The following ADIPOR1 variants were observed in gnomAD, a reference collection of about 807,000 sequenced individuals.
ADIPOR1 encodes the protein adiponectin receptor 1, also known as adiponectin receptor protein 1.
ADIPOR1 carries 15 observed loss-of-function variants against 37.5 expected under a neutral mutation model. That is an observed-to-expected ratio of 0.40 (90% CI 0.27 to 0.62). The LOEUF (loss-of-function observed/expected upper bound fraction) is 0.62. Among genes scored for constraint, ADIPOR1 ranks in the 20% least tolerant of loss-of-function variants. ADIPOR1 has a pLI of 0.42. For missense variants in ADIPOR1, 286 were observed against 478.0 expected (o/e 0.60, Z 3.75); for synonymous variants, 173 against 173.2 (o/e 1.00, Z 0.01).
At chr1:202,946,263 T>C (rs1247352388) in intron 4 of ADIPOR1, among the ~76,000 whole-genome samples, 176 bp downstream of exon 4, 1 of 152,152 alleles carries the variant, frequency 6.6e-6, no homozygotes, top group Non-Finnish European at 1.5e-5. Flanking sequence ...GGCCTTTTAC[T>C]CTCAGTCTTA....
chr1:202,950,807 A>G (rs1654545578), intron 2 of ADIPOR1, 123 bp downstream of exon 2: 2 of 1,344,522 alleles, frequency 1.5e-6, no homozygotes, highest in Non-Finnish European at 2.1e-6. Flanking sequence ...AGGGACTTGG[A>G]TAGAGACATT....
chr1:202,949,365 G>A (rs983794822), intron 2 of ADIPOR1, among the ~76,000 whole-genome samples: 7 of 151,408 alleles, frequency 4.6e-5, no homozygotes, highest in African/African-American at 1.5e-4. Context: ...CGGATCACGA[G>A]GTCAGGAGAT....
At chr1:202,947,648 C>CT (rs1654389649) in intron 3 of ADIPOR1, among the ~76,000 whole-genome samples, 1 of 152,132 alleles carries the variant, frequency 6.6e-6, no homozygotes, top group Admixed American at 6.5e-5. Flanking sequence ...CTTTGCCCCT[C>CT]TCCAGGAGAT....
chr1:202,942,233 C>T lies in ADIPOR1; in HGVS notation c.806-15G>A. The stretch of plus-strand genomic sequence containing the variant: ...CAGGAACACGCCTGAACAGAACAGA[C>T]ATAAGACTGTCAAACAAGGAAACAG... On this transcript the variant is annotated splice_polypyrimidine_tract_variant and intron_variant, in intron 6 of 7. Transcript: ENST00000340990. 3.2e-6 allele frequency: 5 copies of T among 1,581,630 alleles called. No homozygotes were observed. Among genetic ancestry groups the T allele is most frequent in the Non-Finnish European group, 4.3e-6 (5 of 1,161,212 alleles).
intron 1 of ADIPOR1, among the ~76,000 whole-genome samples, chr1:202,952,810 T>C (rs1654632039): frequency 6.6e-6 from 1 of 152,200 alleles, no homozygotes; most frequent in Non-Finnish European, 1.5e-5. Flanking sequence ...TATGTATGTA[T>C]CCTATTGGTG....
At position 202,941,019 on chromosome 1, in the gene ADIPOR1, G is replaced by A. The variant is rs1403657425; in HGVS notation, c.*554C>T. ...TTAAAACTCAAGTTACTTGAAGCCT[G>A]GACACACTTCCATGATTAGCCGGGC... On this transcript the variant is annotated 3_prime_UTR_variant, in exon 8 of 8. Transcript: ENST00000340990. 6.6e-6 allele frequency: 1 copy of A among 152,508 alleles called. No homozygotes were observed. Among genetic ancestry groups the A allele is most frequent in the African/African-American group, 2.4e-5 (1 of 41,410 alleles). The allele number at this position is 152,508 out of a possible 1,614,324, so 9.4% of individuals were successfully genotyped here. A position where few individuals can be genotyped will look rare whatever the true frequency, so the allele number is the denominator to read the frequency against.
chr1:202,943,953 G>T lies in ADIPOR1; in HGVS notation c.618-8C>A. 1 of 1,604,062 alleles carries T rather than the reference G, an allele frequency of 6.2e-7. No homozygotes were observed. The highest frequency in any genetic ancestry group is 1.1e-5 in the South Asian group (1 of 90,384). ...ATCCCTGAATAGTCCAGTCTAAAAA[G>T]AACCACAAAAATGAAACAAATCAGT... is the stretch of plus-strand genomic sequence containing the variant. On this transcript the variant is annotated splice_polypyrimidine_tract_variant and splice_region_variant and intron_variant, in intron 5 of 7. Coordinates refer to ENST00000340990, the MANE Select transcript of ADIPOR1 (RefSeq NM_015999.6).
intron 2 of ADIPOR1, among the ~76,000 whole-genome samples, chr1:202,949,208 T>C (rs1213988395): frequency 6.6e-6 from 1 of 152,016 alleles, no homozygotes; most frequent in Non-Finnish European, 1.5e-5. Flanking sequence ...ACTTTGTATC[T>C]ACAGCAGCTC....
chr1:202,951,262 C>G (rs1654571795), intron 1 of ADIPOR1, 98 bp from the exon 2 acceptor site: 7 of 611,098 alleles, frequency 1.1e-5, no homozygotes, highest in Non-Finnish European at 1.9e-5. Context: ...CAACTCATAT[C>G]CTGTCCCCAA....
intron 2 of ADIPOR1, among the ~76,000 whole-genome samples, chr1:202,948,877 C>T (rs186777999): frequency 2.6e-5 from 4 of 151,944 alleles, no homozygotes; most frequent in African/African-American, 7.2e-5. Context: ...CTGCAACCTC[C>T]GCCTCCCGGG....
intron 6 of ADIPOR1, 33 bp from the exon 7 acceptor site, chr1:202,942,251 G>A (rs749520707): frequency 2.6e-5 from 40 of 1,554,974 alleles, no homozygotes; most frequent in Non-Finnish European, 3.1e-5. Context: ...TGTCAAACAA[G>A]GAAACAGCCA....
intron 3 of ADIPOR1, among the ~76,000 whole-genome samples, chr1:202,947,530 T>C (rs1171034250): frequency 1.3e-5 from 2 of 151,760 alleles, no homozygotes; most frequent in Non-Finnish European, 2.9e-5. Flanking sequence ...AAAATATATA[T>C]ATATATATGG....
rs530759857 is a variant in ADIPOR1, at chr1:202,944,089, T to C, written c.618-144A>G. ...CTGTATTGTAGACTCCCATACAATCTATCCTGTATTCTGGATTAAAATTCC... is the reference window on the plus strand; with the variant it reads ...CTGTATTGTAGACTCCCATACAATCCATCCTGTATTCTGGATTAAAATTCC... On this transcript the variant is annotated intron_variant, in intron 5 of 7. Coordinates refer to ENST00000340990, the MANE Select transcript of ADIPOR1 (RefSeq NM_015999.6). The C allele has an allele frequency of 8.9e-4, 610 of 686,658 alleles. 4 individuals carry two copies. The highest frequency in any genetic ancestry group is 7.8e-5 in the Non-Finnish European group (33 of 423,414). 42.5% of individuals were successfully genotyped at this position (686,658 alleles called of 1,614,324 possible).
Position 202,941,490 on chromosome 1 carries a change from C to CA in ADIPOR1, c.*82dup. ...AGGTTTCTTCTAGAAACAGACAACT[C>CA]AGACTCTTCCTCTCACTTCAGCAAA... On this transcript the variant is annotated 3_prime_UTR_variant, in exon 8 of 8. Transcript: ENST00000340990. 3.3e-6 allele frequency: 5 copies of CA among 1,504,136 alleles called. No individual in the cohort carries two copies. The highest frequency in any genetic ancestry group is 4.4e-6 in the Non-Finnish European group (5 of 1,124,268). 93.2% of individuals were successfully genotyped at this position (1,504,136 alleles called of 1,614,324 possible).
intron 3 of ADIPOR1, among the ~76,000 whole-genome samples, chr1:202,948,086 G>T (rs993223138): frequency 6.6e-6 from 1 of 152,148 alleles, no homozygotes; most frequent in Non-Finnish European, 1.5e-5. Flanking sequence ...GCATAGAAAA[G>T]AATCCGTTTT....
At chr1:202,943,698 T>G in intron 6 of ADIPOR1, 60 bp downstream of exon 6, 11 of 1,549,014 alleles carry the variant, frequency 7.1e-6, no homozygotes, top group Non-Finnish European at 8.8e-6. Context: ...CAAATAGGTT[T>G]GAGCCTATCA....
rs899982679 is a variant in ADIPOR1, at chr1:202,946,428, A to G, written c.430+11T>C. 3 of 1,613,768 alleles carry G rather than the reference A, an allele frequency of 1.9e-6. No homozygotes were observed. The highest frequency in any genetic ancestry group is 1.7e-6 in the Non-Finnish European group (2 of 1,179,918). ...CAACAAATTCCACCTTTCCCCATCC[A>G]AATCACTCACCAAGCAGATGGGTCC... On this transcript the variant is annotated intron_variant, in intron 4 of 7. Coordinates refer to ENST00000340990, the MANE Select transcript of ADIPOR1 (RefSeq NM_015999.6).
chr1:202,943,635 T>C, intron 6 of ADIPOR1, 123 bp downstream of exon 6: 5 of 1,122,514 alleles, frequency 4.5e-6, no homozygotes, highest in African/African-American at 1.6e-5. Flanking sequence ...TTGAAAGTTC[T>C]GAAACACAAA....
chr1:202,945,464 A>G (rs1654270012), intron 4 of ADIPOR1, among the ~76,000 whole-genome samples: 1 of 152,246 alleles, frequency 6.6e-6, no homozygotes, highest in Non-Finnish European at 1.5e-5. Flanking sequence ...GAGATTCCTT[A>G]AAGAACTAAA....
Sources: allele counts gnomAD v4.1 joint callset (sites outside exome capture counted in the v4.1 genomes callset), GRCh38; gene constraint gnomAD v4.1.1; transcripts MANE v1.5; gene names NCBI Gene and HGNC (gene_info 2026-07-23, HGNC 2026-07-21).